The following GEMIN6 variants were observed in gnomAD, a reference collection of about 807,000 sequenced individuals.
GEMIN6 encodes the protein gem-associated protein 6.
GEMIN6 carries 13 observed loss-of-function variants against 14.1 expected under a neutral mutation model. That is an observed-to-expected ratio of 0.92 (90% CI 0.60 to 1.46). The LOEUF (loss-of-function observed/expected upper bound fraction) is 1.46, where lower values mean the gene tolerates loss of function less well. Among genes scored for constraint, GEMIN6 ranks in the 40% most tolerant of loss-of-function variants. The pLI is 0.00. For synonymous variants in GEMIN6, 87 were observed against 70.0 expected (o/e 1.24, Z -1.21); for missense variants, 271 against 202.4 (o/e 1.34, Z -2.06).
At position 38,781,848 on chromosome 2, in the gene GEMIN6, C is replaced by A. The variant is rs138354097; in HGVS notation, c.460C>A (p.Arg154Ser). 6.2e-7 allele frequency: 1 copy of A among 1,613,366 alleles called. No homozygotes were observed. The highest frequency in any genetic ancestry group is 1.7e-5 in the Admixed American group (1 of 59,904). The change falls in exon 3 of 3, where the codon CGT (arginine) becomes AGT (serine). Residue 154 changes from arginine (R) to serine (S), a missense_variant. Coordinates refer to ENST00000281950, the MANE Select transcript of GEMIN6 (RefSeq NM_024775.10). ...CAGCTCTAATGAGATTATTCTGTCG[C>A]GTGTTCAGGATCTTATTGAAGGACA... Reference protein sequence around the residue: ...CSSSNEIILSRVQDLIEGHLT... With the variant: ...CSSSNEIILSSVQDLIEGHLT...
At chr2:38,780,807 T>G (rs1362090359) in intron 2 of GEMIN6, among the ~76,000 whole-genome samples, 1 of 151,946 alleles carries the variant, frequency 6.6e-6, no homozygotes, top group Admixed American at 6.6e-5. Flanking sequence ...TTTTATATTT[T>G]TAGTAGAGAT....
chr2:38,779,665 T>TATATATATATATA lies in GEMIN6; in HGVS notation c.128+547_128+548insATATATATATATA, dbSNP rs1491245074. Among the ~76,000 whole-genome samples the TATATATATATATA allele has an allele frequency of 2.4e-3, 34 of 14,236 alleles. 1 individual carries two copies. Among genetic ancestry groups the TATATATATATATA allele is most frequent in the Admixed American group, 3.7e-3 (3 of 804 alleles). The allele number at this position is 14,236 out of a possible 152,430, so 9.3% of individuals were successfully genotyped here. On this transcript the variant is annotated intron_variant, in intron 2 of 2. Coordinates refer to ENST00000281950, the MANE Select transcript of GEMIN6 (RefSeq NM_024775.10). Reference sequence around the variant, plus strand: ...ATATATATATATATATATATATATATTTTTTTTTTTTTTTTTTTTTTTTTT... The same window carrying TATATATATATATA: ...ATATATATATATATATATATATATATATATATATATATATTTTTTTTTTTTTTTTTTTTTTTTT...
chr2:38,782,394 A>G lies in GEMIN6; in HGVS notation c.*502A>G, dbSNP rs1198461767. ...GTTACACCCCCATTTTTGTTAGGCA[A>G]GAAAAGCATTTGGAAAAAAATGTAA... is the stretch of plus-strand genomic sequence containing the variant. On this transcript the variant is annotated 3_prime_UTR_variant, in exon 3 of 3. Coordinates refer to ENST00000281950, the MANE Select transcript of GEMIN6 (RefSeq NM_024775.10). 3 of 152,410 alleles carry G rather than the reference A, an allele frequency of 2.0e-5. No individual in the cohort carries two copies. The highest frequency in any genetic ancestry group is 1.5e-5 in the Non-Finnish European group (1 of 68,296). The allele number at this position is 152,410 out of a possible 1,614,324, so 9.4% of individuals were successfully genotyped here. A position where few individuals can be genotyped will look rare whatever the true frequency, so the allele number is the denominator to read the frequency against.
At position 38,784,461 on chromosome 2, in the gene GEMIN6, G is replaced by C. The variant is rs1039269063; in HGVS notation, c.*2569G>C. The C allele has an allele frequency of 6.6e-6, 1 of 151,912 alleles. No individual in the cohort carries two copies. Among genetic ancestry groups the C allele is most frequent in the African/African-American group, 2.4e-5 (1 of 41,348 alleles). The allele number at this position is 151,912 out of a possible 1,614,324, so 9.4% of individuals were successfully genotyped here. A position where few individuals can be genotyped will look rare whatever the true frequency, so the allele number is the denominator to read the frequency against. On this transcript the variant is annotated 3_prime_UTR_variant, in exon 3 of 3. Coordinates refer to ENST00000281950, the MANE Select transcript of GEMIN6 (RefSeq NM_024775.10). The stretch of plus-strand genomic sequence containing the variant: ...AGGCTGAGGCACTCGCTTGAATCTG[G>C]GAGGTGGAGGTTGCAGTGAGCCGAG...
chr2:38,780,759 G>A (rs1364629745), intron 2 of GEMIN6, among the ~76,000 whole-genome samples: 1 of 151,602 alleles, frequency 6.6e-6, no homozygotes, highest in Admixed American at 6.6e-5. Context: ...CTCCTAAGTA[G>A]CTGGGATTAT....
chr2:38,779,606 C>A (rs1669028508), intron 2 of GEMIN6, among the ~76,000 whole-genome samples: 1 of 119,708 alleles, frequency 8.4e-6, no homozygotes, highest in Non-Finnish European at 1.6e-5. Flanking sequence ...CAGGCAACTT[C>A]ATAGAAATTG....
intron 2 of GEMIN6, among the ~76,000 whole-genome samples, chr2:38,781,151 A>G (rs1669076242): frequency 6.6e-6 from 1 of 151,170 alleles, no homozygotes; most frequent in African/African-American, 2.4e-5. Flanking sequence ...TATTTTTAGT[A>G]GGGATTGGGT....
At position 38,781,903 on chromosome 2, in the gene GEMIN6, A is replaced by G. The variant is rs773789030; in HGVS notation, c.*11A>G. The G allele has an allele frequency of 6.3e-7, 1 of 1,592,244 alleles. No homozygotes were observed. Among genetic ancestry groups the G allele is most frequent in the Non-Finnish European group, 8.6e-7 (1 of 1,169,174 alleles). On this transcript the variant is annotated 3_prime_UTR_variant, in exon 3 of 3. Coordinates refer to ENST00000281950, the MANE Select transcript of GEMIN6 (RefSeq NM_024775.10). The stretch of plus-strand genomic sequence containing the variant: ...ACAGCTTCCCAATGAGAGGCCAGGA[A>G]GTGTGAACATACTGATAGAAAAAGA...
rs751756949 is a variant in GEMIN6, at chr2:38,779,016, C to G, written c.26C>G (p.Pro9Arg). 6.2e-7 allele frequency: 1 copy of G among 1,612,924 alleles called. No individual in the cohort carries two copies. The highest frequency in any genetic ancestry group is 8.5e-7 in the Non-Finnish European group (1 of 1,179,626). ...ATGAGTGAATGGATGAAGAAAGGCC[C>G]CTTAGAATGGCAAGATTACATTTAC... MSEWMKKGPLEWQDYIYKE... is the reference protein window; with the variant it reads MSEWMKKGRLEWQDYIYKE... Residue 9 changes from proline to arginine, a missense_variant, in exon 2 of 3, where the codon CCC becomes CGC. Physicochemically the swap from Pro to Arg is moderately radical, Grantham distance 103 (BLOSUM62 -2). Transcript: ENST00000281950.
Position 38,781,906 on chromosome 2 carries a change from G to C in GEMIN6, c.*14G>C. The C allele has an allele frequency of 3.2e-6, 5 of 1,581,634 alleles. No individual in the cohort carries two copies. Among genetic ancestry groups the C allele is most frequent in the Non-Finnish European group, 4.3e-6 (5 of 1,164,752 alleles). On this transcript the variant is annotated 3_prime_UTR_variant, in exon 3 of 3. Transcript: ENST00000281950. Reference sequence around the variant, plus strand: ...GCTTCCCAATGAGAGGCCAGGAAGTGTGAACATACTGATAGAAAAAGACTA... The same window carrying C: ...GCTTCCCAATGAGAGGCCAGGAAGTCTGAACATACTGATAGAAAAAGACTA...
chr2:38,779,128 C>T lies in GEMIN6; in HGVS notation c.128+10C>T. 6.2e-7 allele frequency: 1 copy of T among 1,607,008 alleles called. No individual in the cohort carries two copies. Among genetic ancestry groups the T allele is most frequent in the Non-Finnish European group, 8.5e-7 (1 of 1,176,638 alleles). On this transcript the variant is annotated intron_variant, in intron 2 of 2. Transcript: ENST00000281950. ...ACCCAGTCTCTGCCAAGTGAGTATG[C>T]ATCCTACTTGCCTGAAATCTTGACA...
At position 38,781,509 on chromosome 2, in the gene GEMIN6, C is replaced by G. The variant is rs945507554; in HGVS notation, c.129-8C>G. Reference sequence around the variant, plus strand: ...GATGATGCCTCTAAACTTACTTTTCCTCCAAAGTATTGTCCTTGTGAACTT... The same window carrying G: ...GATGATGCCTCTAAACTTACTTTTCGTCCAAAGTATTGTCCTTGTGAACTT... On this transcript the variant is annotated splice_polypyrimidine_tract_variant and splice_region_variant and intron_variant, in intron 2 of 2. Coordinates refer to ENST00000281950, the MANE Select transcript of GEMIN6 (RefSeq NM_024775.10). 1.3e-6 allele frequency: 2 copies of G among 1,594,880 alleles called. No homozygotes were observed. The highest frequency in any genetic ancestry group is 2.7e-5 in the African/African-American group (2 of 74,120).
intron 1 of GEMIN6, among the ~76,000 whole-genome samples, chr2:38,778,609 G>T (rs1333817901): frequency 6.6e-6 from 1 of 152,198 alleles, no homozygotes; most frequent in East Asian, 1.9e-4. Context: ...AGCATCATCT[G>T]CAGGCCAGAG....
rs1245592761 is a variant in GEMIN6, at chr2:38,784,395, C to G, written c.*2503C>G. Reference sequence around the variant, plus strand: ...TCTCTACTAAAAAAAAAAAAAATAGCTGGGTGTGGTGGTGAGCGCCTATAA... The same window carrying G: ...TCTCTACTAAAAAAAAAAAAAATAGGTGGGTGTGGTGGTGAGCGCCTATAA... On this transcript the variant is annotated 3_prime_UTR_variant, in exon 3 of 3. Transcript: ENST00000281950. 2 of 151,616 alleles carry G rather than the reference C, an allele frequency of 1.3e-5. No homozygotes were observed. The highest frequency in any genetic ancestry group is 4.8e-5 in the African/African-American group (2 of 41,278). 9.4% of individuals were successfully genotyped at this position (151,616 alleles called of 1,614,324 possible). A position where few individuals can be genotyped will look rare whatever the true frequency, so the allele number is the denominator to read the frequency against.
In GEMIN6 at chr2:38,782,325, G is replaced by C. The variant is rs1669109725; in HGVS notation, c.*433G>C. 1 of 156,292 alleles carries C rather than the reference G, an allele frequency of 6.4e-6. No homozygotes were observed. The allele number at this position is 156,292 out of a possible 1,614,324, so 9.7% of individuals were successfully genotyped here. On this transcript the variant is annotated 3_prime_UTR_variant, in exon 3 of 3. Coordinates refer to ENST00000281950, the MANE Select transcript of GEMIN6 (RefSeq NM_024775.10). ...CTCCCAGCTAATTTTTTGTATTTTA[G>C]TAGAGATGGGGTTTCACCTGTATGG...
intron 2 of GEMIN6, among the ~76,000 whole-genome samples, chr2:38,780,977 C>CT (rs869246263): frequency 5.2e-3 from 218 of 42,296 alleles, no homozygotes; most frequent in South Asian, 0.034. Flanking sequence ...CTGCCTTCTT[C>CT]TTTTTTTTTT....
chr2:38,779,328 T>G, intron 2 of GEMIN6: 1 of 507,882 alleles, frequency 2.0e-6, no homozygotes, highest in South Asian at 1.8e-5. Flanking sequence ...CCTCGCAGGT[T>G]CAAGCGATTC....
Position 38,784,530 on chromosome 2 carries a change from CA to C in GEMIN6, c.*2653del, listed in dbSNP as rs35140736. ...TGGGCAGCAGAACGAGACTCTGTCT[CA>C]AAAAAAAAAAAAAAGCCACGTAGGA... On this transcript the variant is annotated 3_prime_UTR_variant, in exon 3 of 3. Coordinates refer to ENST00000281950, the MANE Select transcript of GEMIN6 (RefSeq NM_024775.10). 0.62 allele frequency: 82,979 copies of C among 134,190 alleles called. 24,006 individuals are homozygous for C. Among genetic ancestry groups the C allele is most frequent in the East Asian group, 0.8 (3,741 of 4,690 alleles). 8.3% of individuals were successfully genotyped at this position (134,190 alleles called of 1,614,324 possible).
At chr2:38,779,963 TTGAGCCACC>T (rs1271985966) in intron 2 of GEMIN6, among the ~76,000 whole-genome samples, 4 of 150,880 alleles carry the variant, frequency 2.7e-5, no homozygotes, top group Admixed American at 1.3e-4. Context: ...GATCATAGGC[TTGAGCCACC>T]GTCCCCAGCC....
Sources: gnomAD v4.1 joint callset for allele counts (sites outside exome capture counted in the v4.1 genomes callset) on GRCh38, gnomAD v4.1.1 for gene constraint, MANE v1.5 for transcripts, NCBI Gene and HGNC (gene_info 2026-07-23, HGNC 2026-07-21) for gene names.